The following CHFR variants were observed in gnomAD, a reference collection of about 807,000 sequenced individuals.
CHFR encodes E3 ubiquitin-protein ligase CHFR.
Under a neutral mutation model 87.6 loss-of-function variants are expected in CHFR, and 57 were observed. That is an observed-to-expected ratio of 0.65 (90% CI 0.53 to 0.81). The LOEUF is 0.81. Ranked by LOEUF, CHFR falls within the 30% of genes least tolerant of loss-of-function variation. CHFR has a pLI of 0.00. For missense variants in CHFR, 797 were observed against 865.8 expected, an observed-to-expected ratio of 0.92 and a Z score of 1.00; for synonymous variants, 381 against 359.2, an observed-to-expected ratio of 1.06 and a Z score of -0.69.
chr12:132,873,665 G>C (rs2137031531), intron 3 of CHFR, among the ~76,000 whole-genome samples: 1 of 141,466 alleles, frequency 7.1e-6, no homozygotes, highest in East Asian at 2.2e-4. Context: ...ACACGGACTT[G>C]GGTGCATGCA....
At chr12:132,851,776 C>A (rs747548627) in intron 11 of CHFR, 39 bp from the exon 12 acceptor site, 3 of 1,586,322 alleles carry the variant, frequency 1.9e-6, no homozygotes, top group Non-Finnish European at 2.6e-6. Flanking sequence ...ACGTGGGACC[C>A]AGGGCAGAAA....
intron 2 of CHFR, among the ~76,000 whole-genome samples, chr12:132,878,212 T>G (rs931019314): frequency 1.3e-5 from 2 of 152,206 alleles, no homozygotes; most frequent in Admixed American, 6.5e-5. Flanking sequence ...GGCTCATACT[T>G]GTAAACCCAG....
In CHFR at chr12:132,848,077, G is replaced by T; in HGVS notation, c.1647+8C>A. 1.2e-6 allele frequency: 2 copies of T among 1,614,052 alleles called. No individual in the cohort carries two copies. The highest frequency in any genetic ancestry group is 1.7e-6 in the Non-Finnish European group (2 of 1,180,006). On this transcript the variant is annotated splice_region_variant and intron_variant, in intron 14 of 17. Coordinates refer to ENST00000450056, the MANE Select transcript of CHFR (RefSeq NM_001161346.2). ...CTCCCGGCTCCCCAGCCCGCAGCGA[G>T]TCGGTACCTTCAGGATGTCTGACTC...
intron 6 of CHFR, 49 bp downstream of exon 6, chr12:132,869,570 A>T: frequency 6.6e-7 from 1 of 1,522,798 alleles, no homozygotes; most frequent in Non-Finnish European, 8.9e-7. Flanking sequence ...AAGAGTAGTG[A>T]ACAAAAACCA....
chr12:132,878,674 C>G (rs1418128947), intron 2 of CHFR, among the ~76,000 whole-genome samples: 1 of 151,096 alleles, frequency 6.6e-6, no homozygotes, highest in Non-Finnish European at 1.5e-5. Flanking sequence ...AAAAAATTAG[C>G]CGGGCGTGGT....
At chr12:132,864,811 A>G (rs763689050) in intron 6 of CHFR, among the ~76,000 whole-genome samples, 13 of 152,188 alleles carry the variant, frequency 8.5e-5, no homozygotes, top group Non-Finnish European at 1.3e-4. Flanking sequence ...TTTTAATTAC[A>G]TAAGTAATAT....
At chr12:132,845,225 G>A (rs972986330) in intron 15 of CHFR, among the ~76,000 whole-genome samples, 5 of 151,986 alleles carry the variant, frequency 3.3e-5, no homozygotes, top group African/African-American at 1.2e-4. Flanking sequence ...GGAGGCCGAG[G>A]CAGGCGGATC....
intron 15 of CHFR, among the ~76,000 whole-genome samples, chr12:132,846,634 A>C (rs1398946870): frequency 6.6e-6 from 1 of 151,980 alleles, no homozygotes; most frequent in Non-Finnish European, 1.5e-5. Context: ...TAATTCCAGC[A>C]CTTTGGGAAG....
At chr12:132,860,150 T>C (rs1352529478) in intron 7 of CHFR, among the ~76,000 whole-genome samples, 3 of 152,238 alleles carry the variant, frequency 2.0e-5, no homozygotes, top group Non-Finnish European at 4.4e-5. Context: ...ACTATTTTCA[T>C]GTCTTTGAGC....
chr12:132,857,804 G>A (rs1420310173), intron 8 of CHFR, among the ~76,000 whole-genome samples: 2 of 152,270 alleles, frequency 1.3e-5, no homozygotes, highest in Non-Finnish European at 2.9e-5. Flanking sequence ...GAGACAGCAA[G>A]TGTTTCTGGC....
intron 3 of CHFR, among the ~76,000 whole-genome samples, chr12:132,875,286 G>A (rs569764731): frequency 6.6e-6 from 1 of 152,318 alleles, no homozygotes; most frequent in Non-Finnish European, 1.5e-5. Context: ...ATCCTGCAGT[G>A]AGAACAGCAC....
intron 6 of CHFR, among the ~76,000 whole-genome samples, chr12:132,865,133 G>A (rs535431002): frequency 3.3e-5 from 5 of 152,312 alleles, no homozygotes; most frequent in Non-Finnish European, 2.9e-5. Context: ...CACTTGAAAC[G>A]CTGTGGGCCA....
rs777725012 is a variant in CHFR at position 132,851,603 on chromosome 12, G to T, written c.1492+15C>A. ...AGATAGGAACCCGCCTGCGTGCGGT[G>T]GCGCGGGCACTCACACTGCTGAGGG... On this transcript the variant is annotated intron_variant, in intron 12 of 17. Transcript: ENST00000450056. 1 of 1,600,160 alleles carries T rather than the reference G, an allele frequency of 6.2e-7. No homozygotes were observed. The highest frequency in any genetic ancestry group is 8.5e-7 in the Non-Finnish European group (1 of 1,172,690).
At position 132,836,556 on chromosome 12, in the gene CHFR, A is replaced by C. The variant is rs973271315; in HGVS notation, c.*4998T>G. On this transcript the variant is annotated 3_prime_UTR_variant, in exon 18 of 18. Coordinates refer to ENST00000450056, the MANE Select transcript of CHFR (RefSeq NM_001161346.2). The stretch of plus-strand genomic sequence containing the variant: ...GCTCCCAGCACGGCGCACGGCACTC[A>C]CAGTGACAGGCTCCCAGCACGGCGC... 3.3e-4 allele frequency: 141 copies of C among 427,270 alleles called. 2 individuals are homozygous for C. Among genetic ancestry groups the C allele is most frequent in the African/African-American group, 2.7e-3 (132 of 49,144 alleles). The allele number at this position is 427,270 out of a possible 1,614,324, so 26.5% of individuals were successfully genotyped here. A position where few individuals can be genotyped will look rare whatever the true frequency, so the allele number is the denominator to read the frequency against.
chr12:132,846,959 A>C (rs1593449937), intron 15 of CHFR, 84 bp downstream of exon 15: 2 of 940,078 alleles, frequency 2.1e-6, no homozygotes, highest in East Asian at 2.4e-5. Context: ...TGAAGGTCGG[A>C]GTTGTCACTG....
chr12:132,876,545 G>C (rs1036607387), intron 3 of CHFR, among the ~76,000 whole-genome samples: 1 of 152,172 alleles, frequency 6.6e-6, no homozygotes, highest in South Asian at 2.1e-4. Flanking sequence ...GTACAAGAAC[G>C]AGAATTTATT....
intron 2 of CHFR, among the ~76,000 whole-genome samples, chr12:132,881,125 G>A (rs528442186): frequency 1.7e-4 from 26 of 151,958 alleles, no homozygotes; most frequent in African/African-American, 5.3e-4. Flanking sequence ...AAAATTAGCC[G>A]GGCATGGTAG....
chr12:132,883,649 C>G (rs12319552), intron 2 of CHFR, among the ~76,000 whole-genome samples: 23,089 of 152,064 alleles, frequency 0.15, 2,263 homozygotes, highest in Admixed American at 0.21. Context: ...ATGGTGTGAA[C>G]CCAAGAGGCA....
rs535270687 is a variant in CHFR, at chr12:132,870,079, G to A, written c.404-281C>T. Among the ~76,000 whole-genome samples, 130 of 151,818 alleles carry A rather than the reference G, an allele frequency of 8.6e-4. 2 individuals are homozygous for A. The South Asian group carries it at 0.024, about 28-fold the overall frequency. On this transcript the variant is annotated intron_variant, in intron 5 of 17. Transcript: ENST00000450056. The stretch of plus-strand genomic sequence containing the variant: ...TAAAAATTAGCCAGGCGTGCCGGGC[G>A]CGGTGGCTCATACCTGTAATCCCAG...
Sources: gnomAD v4.1 joint callset for allele counts (sites outside exome capture counted in the v4.1 genomes callset) on GRCh38, gnomAD v4.1.1 for gene constraint, MANE v1.5 for transcripts, NCBI Gene and HGNC (gene_info 2026-07-23, HGNC 2026-07-21) for gene names.